CADM2: variants seen among roughly 807,000 people sequenced by gnomAD.
CADM2 encodes immunoglobulin superfamily member 4D.
CADM2 carries 12 observed loss-of-function variants against 49.8 expected under a neutral mutation model. The ratio of observed to expected loss-of-function variants is 0.24; its 90% confidence interval spans 0.15 to 0.39. The LOEUF (loss-of-function observed/expected upper bound fraction) is 0.39, where lower values mean the gene tolerates loss of function less well. CADM2 is among the 10% of genes least tolerant of loss of function. CADM2 has a pLI of 1.00. For missense variants in CADM2, 378 were observed against 492.3 expected (o/e 0.77, Z 2.20); for synonymous variants, 214 against 175.4 (o/e 1.22, Z -1.74).
intron 3 of CADM2, among the ~76,000 whole-genome samples, chr3:85,869,206 G>C (rs1210523203): frequency 3.9e-5 from 6 of 152,028 alleles, no homozygotes; most frequent in Admixed American, 1.3e-4. Flanking sequence ...ACTTCTTAAA[G>C]CTCGGCAATG....
intron 1 of CADM2, among the ~76,000 whole-genome samples, chr3:85,482,552 G>A (rs910643552): frequency 6.6e-6 from 1 of 151,620 alleles, no homozygotes; most frequent in Non-Finnish European, 1.5e-5. Context: ...GACTGAATAA[G>A]GCAAACTGCA....
chr3:85,904,683 C>G (rs2108458811), intron 5 of CADM2, among the ~76,000 whole-genome samples: 1 of 152,268 alleles, frequency 6.6e-6, no homozygotes, highest in African/African-American at 2.4e-5. Context: ...GAGAGAAAGT[C>G]TGCAGAGCTA....
chr3:85,515,632 T>TATATATATATATATA (rs1491095321), intron 1 of CADM2, among the ~76,000 whole-genome samples: 23 of 94,258 alleles, frequency 2.4e-4, no homozygotes, highest in African/African-American at 1.0e-3. Context: ...TATATATATA[T>TATATATATATATATA]TTTTTTTTTT....
At chr3:85,724,705 T>G (rs942716853) in intron 1 of CADM2, among the ~76,000 whole-genome samples, 1 of 151,928 alleles carries the variant, frequency 6.6e-6, no homozygotes, top group Non-Finnish European at 1.5e-5. Context: ...TTATAAGAAC[T>G]GCAAATTTTA....
chr3:85,281,604 C>T (rs79856517), intron 1 of CADM2, among the ~76,000 whole-genome samples: 7,082 of 151,998 alleles, frequency 0.047, 455 homozygotes, highest in African/African-American at 0.14. Flanking sequence ...TTCACACATA[C>T]GATGATATGC....
At chr3:85,878,282 A>T (rs977825565) in intron 3 of CADM2, among the ~76,000 whole-genome samples, 1 of 152,056 alleles carries the variant, frequency 6.6e-6, no homozygotes, top group Non-Finnish European at 1.5e-5. Context: ...GTAGCATAGG[A>T]GTTTTACCTC....
intron 1 of CADM2, among the ~76,000 whole-genome samples, chr3:85,620,632 T>C (rs552869467): frequency 5.1e-4 from 77 of 152,202 alleles, no homozygotes; most frequent in African/African-American, 1.8e-3. Context: ...TAAAAAATCA[T>C]CAAACACAAA....
At chr3:85,425,723 G>C (rs938554680) in intron 1 of CADM2, among the ~76,000 whole-genome samples, 1 of 152,126 alleles carries the variant, frequency 6.6e-6, no homozygotes, top group Non-Finnish European at 1.5e-5. Context: ...TCTTGGGGGT[G>C]ACAAAGTCCA....
chr3:85,607,638 C>G (rs1386709507), intron 1 of CADM2, among the ~76,000 whole-genome samples: 1 of 151,868 alleles, frequency 6.6e-6, no homozygotes, highest in Non-Finnish European at 1.5e-5. Flanking sequence ...AATATATACA[C>G]CTGCGTATTC....
rs1188527443 is a variant in CADM2 at position 84,959,018 on chromosome 3, G to A, written c.-590G>A. The A allele has an allele frequency of 1.0e-5, 2 of 199,894 alleles. No individual in the cohort carries two copies. Among genetic ancestry groups the A allele is most frequent in the Non-Finnish European group, 2.0e-5 (2 of 100,502 alleles). 12.4% of individuals were successfully genotyped at this position (199,894 alleles called of 1,614,324 possible). A position where few individuals can be genotyped will look rare whatever the true frequency, so the allele number is the denominator to read the frequency against. ...AGCTGCCGCCGTCGCCGCTGCCGCT[G>A]CCGCCACAGCCGCCGCTGCAGCCGG... is the stretch of plus-strand genomic sequence containing the variant. On this transcript the variant is annotated 5_prime_UTR_variant, in exon 1 of 10. Transcript: ENST00000383699.
chr3:85,512,810 A>G (rs2060803274), intron 1 of CADM2, among the ~76,000 whole-genome samples: 1 of 152,042 alleles, frequency 6.6e-6, no homozygotes, highest in East Asian at 1.9e-4. Context: ...ATTATTTATC[A>G]TTCTGAAGAT....
At chr3:85,867,465 T>G (rs2075765713) in intron 3 of CADM2, among the ~76,000 whole-genome samples, 1 of 152,072 alleles carries the variant, frequency 6.6e-6, no homozygotes, top group Non-Finnish European at 1.5e-5. Flanking sequence ...TATTATGACC[T>G]CTACCACAGA....
intron 8 of CADM2, among the ~76,000 whole-genome samples, chr3:85,968,404 GTC>G (rs147431216): frequency 0.027 from 4,108 of 151,684 alleles, 86 homozygotes; most frequent in Middle Eastern, 0.071. Context: ...TTAATTATAT[GTC>G]TCTGTTTTAA....
At chr3:86,047,351 C>CGGG (rs1459722460) in intron 8 of CADM2, among the ~76,000 whole-genome samples, 1 of 152,048 alleles carries the variant, frequency 6.6e-6, no homozygotes, top group Non-Finnish European at 1.5e-5. Flanking sequence ...AACATCTCCC[C>CGGG]ACATGTTTGA....
intron 1 of CADM2, among the ~76,000 whole-genome samples, chr3:85,018,883 C>A (rs114474989): frequency 0.045 from 6,862 of 152,234 alleles, 191 homozygotes; most frequent in African/African-American, 0.068. Flanking sequence ...TCTGATAAGA[C>A]ATGGCAAACC....
chr3:85,120,511 G>T (rs1262990257), intron 1 of CADM2, among the ~76,000 whole-genome samples: 1 of 152,134 alleles, frequency 6.6e-6, no homozygotes, highest in East Asian at 1.9e-4. Context: ...AAAAGAATGA[G>T]TTCATGTTTT....
At chr3:85,070,544 T>G (rs528747844) in intron 1 of CADM2, among the ~76,000 whole-genome samples, 2 of 151,792 alleles carry the variant, frequency 1.3e-5, no homozygotes, top group East Asian at 3.9e-4. Flanking sequence ...AAAAATTTAT[T>G]TCTATGTGTG....
intron 1 of CADM2, among the ~76,000 whole-genome samples, chr3:85,243,953 T>G (rs181973874): frequency 6.6e-6 from 1 of 152,184 alleles, no homozygotes; most frequent in African/African-American, 2.4e-5. Flanking sequence ...ATGTATGATT[T>G]AAATCTCAAC....
chr3:85,695,918 AT>A (rs879346483), intron 1 of CADM2, among the ~76,000 whole-genome samples: 1 of 151,748 alleles, frequency 6.6e-6, no homozygotes, highest in Non-Finnish European at 1.5e-5. Context: ...GCCAACATCA[AT>A]TTTTTTTCTT....
Sources: allele counts gnomAD v4.1 joint callset (sites outside exome capture counted in the v4.1 genomes callset), GRCh38; gene constraint gnomAD v4.1.1; transcripts MANE v1.5; gene names NCBI Gene and HGNC (gene_info 2026-07-23, HGNC 2026-07-21).